Variants in GALNT11 observed in about 807,000 individuals in gnomAD.
GALNT11 encodes the protein UDP-GalNAc:polypeptide N-acetylgalactosaminyltransferase 11.
Under a neutral mutation model 72.7 loss-of-function variants are expected in GALNT11, and 47 were observed. The ratio of observed to expected loss-of-function variants is 0.65; its 90% CI spans 0.51 to 0.82. The LOEUF (loss-of-function observed/expected upper bound fraction) is 0.82, where lower values mean the gene tolerates loss of function less well. Ranked by LOEUF, GALNT11 falls within the 40% of genes least tolerant of loss-of-function variation. GALNT11 has a pLI of 0.00. For missense variants in GALNT11, 677 were observed against 778.4 expected (o/e 0.87, Z 1.55); for synonymous variants, 270 against 286.6 (o/e 0.94, Z 0.58).
rs1336189705 is a variant in GALNT11, at chr7:152,100,113, G to A, written c.296-685G>A. Reference sequence around the variant, plus strand: ...CTTTTTATGGAAAAGCTTATCAGTCGCCTTTTTCTGGGGAGGGACTCCTGT... The same window carrying A: ...CTTTTTATGGAAAAGCTTATCAGTCACCTTTTTCTGGGGAGGGACTCCTGT... On this transcript the variant is annotated intron_variant, in intron 2 of 11. Coordinates refer to ENST00000430044, the MANE Select transcript of GALNT11 (RefSeq NM_022087.4). Among the ~76,000 whole-genome samples, 6 of 151,878 alleles carry A rather than the reference G, an allele frequency of 4.0e-5. No individual in the cohort carries two copies. In the East Asian group the frequency reaches 7.8e-4, roughly 20 times the overall value.
At chr7:152,089,444 A>G (rs1460401205) in intron 1 of GALNT11, among the ~76,000 whole-genome samples, 1 of 152,240 alleles carries the variant, frequency 6.6e-6, no homozygotes, top group Non-Finnish European at 1.5e-5. Context: ...ACATTCGAAC[A>G]AAGGAAAGAC....
intron 1 of GALNT11, among the ~76,000 whole-genome samples, chr7:152,089,065 A>T (rs2085834687): frequency 6.6e-6 from 1 of 152,120 alleles, no homozygotes; most frequent in African/African-American, 2.4e-5. Context: ...ATGCAGGAGA[A>T]CTGGGCTTAT....
rs955323160 is a variant in GALNT11 at position 152,071,420 on chromosome 7, C to T, written c.-38-22770C>T. 3.3e-5 allele frequency among the ~76,000 whole-genome samples: 5 copies of T among 152,306 alleles called. No homozygotes were observed. In the East Asian group the frequency reaches 5.8e-4, roughly 18 times the overall value. On this transcript the variant is annotated intron_variant, in intron 1 of 11. Transcript: ENST00000430044. ...AAGAGAAATATGGTTCTGTTCCACC[C>T]GGCTCACCGGCGGTCAGAGTTTAAG... is the stretch of plus-strand genomic sequence containing the variant.
chr7:152,051,155 T>C (rs963600172), intron 1 of GALNT11, among the ~76,000 whole-genome samples: 7 of 151,724 alleles, frequency 4.6e-5, no homozygotes, highest in African/African-American at 1.7e-4. Context: ...AGGCTTCCAT[T>C]TGGCCATCTG....
chr7:152,037,512 G>A (rs1198101263), intron 1 of GALNT11, among the ~76,000 whole-genome samples: 1 of 152,144 alleles, frequency 6.6e-6, no homozygotes, highest in Non-Finnish European at 1.5e-5. Flanking sequence ...ATAATGTGAA[G>A]TCAAGTAATG....
intron 1 of GALNT11, among the ~76,000 whole-genome samples, chr7:152,049,437 A>C (rs542833050): frequency 4.3e-4 from 66 of 152,298 alleles, no homozygotes; most frequent in Non-Finnish European, 8.5e-4. Flanking sequence ...ATTTCTCTGG[A>C]TTACCAGGTA....
At chr7:152,088,933 T>C (rs139016507) in intron 1 of GALNT11, among the ~76,000 whole-genome samples, 155 of 152,340 alleles carry the variant, frequency 1.0e-3, no homozygotes, top group Middle Eastern at 6.8e-3. Context: ...TTTCTTGATA[T>C]GTTTTGCCAG....
intron 8 of GALNT11, among the ~76,000 whole-genome samples, chr7:152,114,887 G>C (rs1029785867): frequency 2.0e-5 from 3 of 152,192 alleles, no homozygotes; most frequent in African/African-American, 7.2e-5. Context: ...TGTATGCCAG[G>C]CTCTGTGTTA....
chr7:152,090,433 G>T (rs532889026), intron 1 of GALNT11, among the ~76,000 whole-genome samples: 113 of 152,154 alleles, frequency 7.4e-4, no homozygotes, highest in Non-Finnish European at 1.3e-3. Flanking sequence ...GGCATCAAAA[G>T]CTATAAATTT....
chr7:152,115,791 G>A (rs1028700573), intron 8 of GALNT11, among the ~76,000 whole-genome samples: 6 of 152,158 alleles, frequency 3.9e-5, no homozygotes, highest in South Asian at 2.1e-4. Context: ...GTGCGGTGGC[G>A]CATGCCTGTA....
intron 1 of GALNT11, among the ~76,000 whole-genome samples, chr7:152,036,201 TTAAC>T (rs1353440961): frequency 6.6e-6 from 1 of 152,202 alleles, no homozygotes; most frequent in East Asian, 1.9e-4. Context: ...TGCATTCTAT[TTAAC>T]TATATTTTTG....
At chr7:152,061,053 T>A (rs2083983630) in intron 1 of GALNT11, among the ~76,000 whole-genome samples, 1 of 152,152 alleles carries the variant, frequency 6.6e-6, no homozygotes, top group Non-Finnish European at 1.5e-5. Flanking sequence ...CACCACACTG[T>A]CTTCCACAAT....
chr7:152,034,348 A>G (rs926173900), intron 1 of GALNT11, among the ~76,000 whole-genome samples: 5 of 152,174 alleles, frequency 3.3e-5, no homozygotes, highest in Admixed American at 3.3e-4. Context: ...GTTTCACTCC[A>G]TTTGCCTTCC....
intron 1 of GALNT11, among the ~76,000 whole-genome samples, chr7:152,090,577 T>C (rs1305680383): frequency 1.3e-5 from 2 of 152,254 alleles, no homozygotes; most frequent in Non-Finnish European, 2.9e-5. Flanking sequence ...TGTACTTGTC[T>C]TGGTCACAGC....
chr7:152,095,937 A>G (rs2086341669), intron 2 of GALNT11, among the ~76,000 whole-genome samples: 1 of 152,206 alleles, frequency 6.6e-6, no homozygotes, highest in African/African-American at 2.4e-5. Flanking sequence ...CAGGTACTAG[A>G]TCAACAGGCA....
At chr7:152,090,257 T>G (rs2085925819) in intron 1 of GALNT11, among the ~76,000 whole-genome samples, 1 of 152,216 alleles carries the variant, frequency 6.6e-6, no homozygotes, top group South Asian at 2.1e-4. Flanking sequence ...GCAGTTTCAT[T>G]TTATTAATTT....
At chr7:152,063,790 C>T (rs769289677) in intron 1 of GALNT11, among the ~76,000 whole-genome samples, 88 of 152,292 alleles carry the variant, frequency 5.8e-4, no homozygotes, top group Middle Eastern at 6.8e-3. Flanking sequence ...GTTTCTTAAT[C>T]CTGAGTTCTA....
chr7:152,041,228 C>T (rs1279320950), intron 1 of GALNT11, among the ~76,000 whole-genome samples: 2 of 152,190 alleles, frequency 1.3e-5, no homozygotes, highest in African/African-American at 4.8e-5. Flanking sequence ...ATTATTTTAC[C>T]TATTTCCCAA....
chr7:152,103,459 A>C, intron 4 of GALNT11, 181 bp downstream of exon 4: 6 of 556,844 alleles, frequency 1.1e-5, no homozygotes, highest in Non-Finnish European at 1.8e-5. Flanking sequence ...CTGCTTATAA[A>C]CTATGCTACC....
Sources: allele counts gnomAD v4.1 joint callset (sites outside exome capture counted in the v4.1 genomes callset), GRCh38; gene constraint gnomAD v4.1.1; transcripts MANE v1.5; gene names NCBI Gene and HGNC (gene_info 2026-07-23, HGNC 2026-07-21).